Variants in SPAG16 observed in about 807,000 individuals in gnomAD.
SPAG16 encodes the protein sperm-associated antigen 16 protein.
SPAG16 carries 86 observed loss-of-function variants against 80.4 expected under a neutral mutation model. That is an observed-to-expected ratio of 1.07 (90% CI 0.90 to 1.28). SPAG16 has a LOEUF of 1.28. SPAG16 is among the 50% of genes most tolerant of loss of function. The pLI is 0.00. For synonymous variants in SPAG16, 294 were observed against 265.9 expected (o/e 1.11, Z -1.03); for missense variants, 870 against 765.3 (o/e 1.14, Z -1.61).
At position 214,118,056 on chromosome 2, in the gene SPAG16, C is replaced by T. The variant is rs564657181; in HGVS notation, c.1593+9795C>T. Among the ~76,000 whole-genome samples the T allele has an allele frequency of 9.9e-5, 15 of 152,216 alleles. 1 individual carries two copies. In the South Asian group the frequency reaches 3.1e-3, roughly 32 times the overall value. The stretch of plus-strand genomic sequence containing the variant: ...GCATCCAAATTGGAAAGGAGGAAGA[C>T]AAATTGTCTCTTTTTACAGATGATA... On this transcript the variant is annotated intron_variant, in intron 14 of 15. Coordinates refer to ENST00000331683, the MANE Select transcript of SPAG16 (RefSeq NM_024532.5).
chr2:213,479,333 C>A (rs995431184), intron 9 of SPAG16, among the ~76,000 whole-genome samples: 1 of 152,046 alleles, frequency 6.6e-6, no homozygotes, highest in Non-Finnish European at 1.5e-5. Context: ...TCCAGTCTCT[C>A]TTACACTGCT....
chr2:213,956,410 A>T (rs991630756), intron 12 of SPAG16, among the ~76,000 whole-genome samples: 8 of 149,800 alleles, frequency 5.3e-5, no homozygotes, highest in African/African-American at 1.7e-4. Flanking sequence ...AAGTAAAGGC[A>T]GGTTGATGAT....
At chr2:213,758,780 TAA>T (rs1162168394) in intron 10 of SPAG16, among the ~76,000 whole-genome samples, 1 of 152,090 alleles carries the variant, frequency 6.6e-6, no homozygotes, top group East Asian at 1.9e-4. Flanking sequence ...CCAAATCTGA[TAA>T]AAGACATTAA....
At chr2:213,949,169 G>GTTTTTTTTTTTTTTTTTTTTTTTTTT (rs767648099) in intron 12 of SPAG16, among the ~76,000 whole-genome samples, 24 of 56,740 alleles carry the variant, frequency 4.2e-4, no homozygotes, top group Non-Finnish European at 6.9e-4. Context: ...AATTACAACA[G>GTTTTTTTTTTTTTTTTTTTTTTTTTT]TTTTTTTTTT....
At chr2:214,148,520 A>G (rs2055777297) in intron 14 of SPAG16, among the ~76,000 whole-genome samples, 1 of 152,126 alleles carries the variant, frequency 6.6e-6, no homozygotes, top group Admixed American at 6.6e-5. Flanking sequence ...GAGAATTTTG[A>G]CTAACAGACT....
intron 9 of SPAG16, among the ~76,000 whole-genome samples, chr2:213,479,326 A>C (rs2073622122): frequency 6.6e-6 from 1 of 151,920 alleles, no homozygotes; most frequent in African/African-American, 2.4e-5. Context: ...ATGTACTTCC[A>C]GTCTCTCTTA....
chr2:213,376,760 C>T (rs556862851), intron 9 of SPAG16, among the ~76,000 whole-genome samples: 1 of 152,176 alleles, frequency 6.6e-6, no homozygotes, highest in South Asian at 2.1e-4. Flanking sequence ...ATTTTCTATG[C>T]TATGTCTGTA....
intron 13 of SPAG16, among the ~76,000 whole-genome samples, chr2:214,029,127 C>T (rs2048281887): frequency 6.6e-6 from 1 of 151,998 alleles, no homozygotes; most frequent in South Asian, 2.1e-4. Flanking sequence ...AATTAAGATA[C>T]AGCTAGAACC....
At position 213,687,396 on chromosome 2, in the gene SPAG16, A is replaced by G. The variant is rs535350961; in HGVS notation, c.1071-175089A>G. ...TCTTTGAGGGAATTTTAATTTTTAC[A>G]TGATTATCATTTTACTAAATTACTT... On this transcript the variant is annotated intron_variant, in intron 10 of 15. Coordinates refer to ENST00000331683, the MANE Select transcript of SPAG16 (RefSeq NM_024532.5). Among the ~76,000 whole-genome samples, 3 of 152,202 alleles carry G rather than the reference A, an allele frequency of 2.0e-5. No individual in the cohort carries two copies. The South Asian group carries it at 6.2e-4, about 32-fold the overall frequency.
At chr2:213,620,552 A>G (rs1036557637) in intron 10 of SPAG16, among the ~76,000 whole-genome samples, 1 of 152,028 alleles carries the variant, frequency 6.6e-6, no homozygotes, top group Non-Finnish European at 1.5e-5. Flanking sequence ...TCAGCCTCCT[A>G]AAGTGCTGGG....
chr2:214,305,898 T>TC (rs397787227), intron 15 of SPAG16, among the ~76,000 whole-genome samples: 14 of 151,992 alleles, frequency 9.2e-5, no homozygotes, highest in African/African-American at 2.4e-4. Context: ...GTTTTTTTTT[T>TC]CTAGTTCTTT....
chr2:214,154,060 A>C (rs1016714142), intron 15 of SPAG16, among the ~76,000 whole-genome samples: 2 of 152,182 alleles, frequency 1.3e-5, no homozygotes, highest in African/African-American at 4.8e-5. Flanking sequence ...CATTTTTGTG[A>C]ACATTCACTA....
chr2:213,561,895 T>C (rs746137359), intron 10 of SPAG16, among the ~76,000 whole-genome samples: 10 of 152,194 alleles, frequency 6.6e-5, no homozygotes, highest in Non-Finnish European at 1.3e-4. Context: ...TTCTGAAATT[T>C]CTTTTTGTTG....
At chr2:214,170,950 A>C (rs191786971) in intron 15 of SPAG16, among the ~76,000 whole-genome samples, 355 of 152,198 alleles carry the variant, frequency 2.3e-3, no homozygotes, top group Admixed American at 4.2e-3. Flanking sequence ...CTCTAGTCCC[A>C]ATATCATTAT....
chr2:214,383,577 AAAGAAAAAAG>A (rs1700581416), intron 15 of SPAG16, among the ~76,000 whole-genome samples: 1 of 151,248 alleles, frequency 6.6e-6, no homozygotes, highest in Non-Finnish European at 1.5e-5. Flanking sequence ...TCTCAAAAAA[AAAGAAAAAAG>A]AAAAAAAAAG....
chr2:213,673,782 A>G (rs898412352), intron 10 of SPAG16, among the ~76,000 whole-genome samples: 3 of 152,194 alleles, frequency 2.0e-5, no homozygotes, highest in African/African-American at 7.2e-5. Context: ...ATATTATAAT[A>G]AAACAAATGT....
At chr2:213,328,893 A>C (rs964850809) in intron 5 of SPAG16, among the ~76,000 whole-genome samples, 1 of 152,140 alleles carries the variant, frequency 6.6e-6, no homozygotes, top group Non-Finnish European at 1.5e-5. Flanking sequence ...GAGGTAATTG[A>C]ATCATGGGGG....
At chr2:213,945,128 C>A (rs1241241458) in intron 12 of SPAG16, among the ~76,000 whole-genome samples, 2 of 151,032 alleles carry the variant, frequency 1.3e-5, no homozygotes, top group East Asian at 2.0e-4. Context: ...AGTCAGGGTA[C>A]CTTAGAGGTA....
chr2:213,618,955 G>A (rs548862253), intron 10 of SPAG16, among the ~76,000 whole-genome samples: 55 of 152,062 alleles, frequency 3.6e-4, no homozygotes, highest in African/African-American at 1.2e-3. Flanking sequence ...TTAGATAGTT[G>A]GCTCATTCAT....
Sources: allele counts gnomAD v4.1 joint callset (sites outside exome capture counted in the v4.1 genomes callset), GRCh38; gene constraint gnomAD v4.1.1; transcripts MANE v1.5; gene names NCBI Gene and HGNC (gene_info 2026-07-23, HGNC 2026-07-21).